GABRG3: variants seen among roughly 807,000 people sequenced by gnomAD.
GABRG3 encodes the protein gamma-aminobutyric acid type A receptor subunit gamma3.
GABRG3 carries 25 observed loss-of-function variants against 48.8 expected under a neutral mutation model. The observed-to-expected ratio is 0.51, with a 90% CI of 0.37 to 0.72. The LOEUF is 0.72. Among genes scored for constraint, GABRG3 ranks in the 30% least tolerant of loss-of-function variants. GABRG3 has a pLI of 0.00. For missense variants in GABRG3, 394 were observed against 577.9 expected (o/e 0.68, Z 3.26); for synonymous variants, 227 against 217.6 (o/e 1.04, Z -0.38).
chr15:27,327,072 G>A, intron 4 of GABRG3, 43 bp downstream of exon 4: 1 of 1,516,160 alleles, frequency 6.6e-7, no homozygotes, highest in South Asian at 1.2e-5. Flanking sequence ...GGTTTAAAAT[G>A]GGATCCTTAA....
rs763922282 is a variant in GABRG3 at position 27,447,463 on chromosome 15, C to T, written c.575-33187C>T. 6.6e-6 allele frequency among the ~76,000 whole-genome samples: 1 copy of T among 152,054 alleles called. No individual in the cohort carries two copies. Among genetic ancestry groups the T allele is most frequent in the African/African-American group, 2.4e-5 (1 of 41,384 alleles). On this transcript the variant is annotated intron_variant, in intron 5 of 9. Transcript: ENST00000615808. This position sits in a 1 kb window ranked among gnomAD's most constrained non-coding sequence, Gnocchi z 4.0. ...CTTAAGGTGAATAAACCTGAAGTGT[C>T]CAAGTGGGGGAGATGCCATAATTAT...
rs146913438 is a variant in GABRG3 at position 27,399,990 on chromosome 15, G to A, written c.574+71102G>A. 3.3e-5 allele frequency among the ~76,000 whole-genome samples: 5 copies of A among 152,284 alleles called. No homozygotes were observed. In the South Asian group the frequency reaches 1.0e-3, roughly 32 times the overall value. ...CAGTCTATGTGGGTGATCAAAACTG[G>A]TGTCTGCTGCATGCTCATTTTATTT... On this transcript the variant is annotated intron_variant, in intron 5 of 9. Coordinates refer to ENST00000615808, the MANE Select transcript of GABRG3 (RefSeq NM_033223.5).
chr15:27,221,678 GT>G (rs1889459173), intron 3 of GABRG3, among the ~76,000 whole-genome samples: 1 of 152,076 alleles, frequency 6.6e-6, no homozygotes, highest in Non-Finnish European at 1.5e-5. Flanking sequence ...TTACAACCAA[GT>G]AGCTGTTTTC....
At chr15:27,024,401 C>T (rs533514594) in intron 2 of GABRG3, among the ~76,000 whole-genome samples, 17 of 152,202 alleles carry the variant, frequency 1.1e-4, no homozygotes, top group South Asian at 4.2e-4. Context: ...GGAAGCTTTC[C>T]GCCGTGTTTT....
intron 3 of GABRG3, among the ~76,000 whole-genome samples, chr15:27,264,041 G>A (rs957786429): frequency 6.6e-6 from 1 of 152,068 alleles, no homozygotes. Context: ...GGGAAGGGCC[G>A]CTCCCTTGAG....
At chr15:27,268,151 T>A (rs1311540015) in intron 3 of GABRG3, among the ~76,000 whole-genome samples, 1 of 152,212 alleles carries the variant, frequency 6.6e-6, no homozygotes, top group Non-Finnish European at 1.5e-5. Context: ...CATTCACTAG[T>A]GAAGTCATCT....
intron 3 of GABRG3, among the ~76,000 whole-genome samples, chr15:27,071,313 C>T (rs1225682676): frequency 6.6e-6 from 1 of 152,186 alleles, no homozygotes; most frequent in Non-Finnish European, 1.5e-5. Flanking sequence ...CCCCCTTCTC[C>T]TCTCTTCCCT....
chr15:27,148,901 A>G (rs1898259003), intron 3 of GABRG3, among the ~76,000 whole-genome samples: 1 of 152,044 alleles, frequency 6.6e-6, no homozygotes, highest in African/African-American at 2.4e-5. Context: ...ATACTTAATA[A>G]TAAAAGTCTA....
chr15:27,386,467 T>C (rs1895924644), intron 5 of GABRG3, among the ~76,000 whole-genome samples: 3 of 152,128 alleles, frequency 2.0e-5, no homozygotes, highest in Admixed American at 6.6e-5. Context: ...ATCACAGCAA[T>C]GTTAGCCTCC....
chr15:27,306,475 TATAA>T (rs1892458423), intron 3 of GABRG3, among the ~76,000 whole-genome samples: 1 of 140,038 alleles, frequency 7.1e-6, no homozygotes, highest in African/African-American at 2.6e-5. Flanking sequence ...CATGTCTATA[TATAA>T]ACATATATAT....
intron 5 of GABRG3, among the ~76,000 whole-genome samples, chr15:27,479,663 G>A (rs965384323): frequency 5.3e-5 from 8 of 152,238 alleles, no homozygotes; most frequent in African/African-American, 1.4e-4. Context: ...TCAAGATGGT[G>A]CATACATTTC....
At chr15:26,992,517 A>G (rs944379769) in intron 2 of GABRG3, among the ~76,000 whole-genome samples, 3 of 152,166 alleles carry the variant, frequency 2.0e-5, no homozygotes, top group Non-Finnish European at 4.4e-5. Flanking sequence ...GATATATCAC[A>G]TTGATTGATT....
intron 3 of GABRG3, among the ~76,000 whole-genome samples, chr15:27,136,313 C>A (rs1182193575): frequency 6.6e-6 from 1 of 152,174 alleles, no homozygotes; most frequent in Non-Finnish European, 1.5e-5. Flanking sequence ...TAATGGCCAA[C>A]ATGGAATGTA....
chr15:27,463,166 A>G (rs934581629), intron 5 of GABRG3, among the ~76,000 whole-genome samples: 22 of 152,194 alleles, frequency 1.4e-4, no homozygotes, highest in Admixed American at 4.6e-4. Context: ...TTGAATTACA[A>G]ACATTGTATA....
chr15:27,439,386 C>A (rs574960408), intron 5 of GABRG3, among the ~76,000 whole-genome samples: 1 of 152,332 alleles, frequency 6.6e-6, no homozygotes, highest in South Asian at 2.1e-4. Context: ...AAGCATGTAA[C>A]TCTCATTTCC....
intron 5 of GABRG3, among the ~76,000 whole-genome samples, chr15:27,406,636 C>T (rs887874409): frequency 1.3e-5 from 2 of 152,070 alleles, no homozygotes; most frequent in Admixed American, 6.5e-5. Flanking sequence ...AAACAAGGCA[C>T]GATTAAGAAA....
chr15:27,241,400 A>C (rs530176479), intron 3 of GABRG3, among the ~76,000 whole-genome samples: 1 of 152,208 alleles, frequency 6.6e-6, no homozygotes, highest in African/African-American at 2.4e-5. Context: ...TGTTATACAA[A>C]CCAGTAAAGG....
intron 3 of GABRG3, among the ~76,000 whole-genome samples, chr15:27,053,018 C>A (rs1294418156): frequency 6.6e-6 from 1 of 152,070 alleles, no homozygotes; most frequent in Admixed American, 6.6e-5. Flanking sequence ...TAACTCAAGG[C>A]GGATTAAAGG....
intron 3 of GABRG3, among the ~76,000 whole-genome samples, chr15:27,298,808 G>T (rs1333151026): frequency 6.6e-6 from 1 of 151,886 alleles, no homozygotes; most frequent in Non-Finnish European, 1.5e-5. Flanking sequence ...TCTACATTAG[G>T]TATTTCTCCT....
Sources: gnomAD v4.1 joint callset for allele counts (sites outside exome capture counted in the v4.1 genomes callset) on GRCh38, gnomAD v4.1.1 for gene constraint, Gnocchi (gnomAD v3.1) non-coding constraint, MANE v1.5 for transcripts, NCBI Gene and HGNC (gene_info 2026-07-23, HGNC 2026-07-21) for gene names.